Variants in PGM1 observed in about 807,000 individuals in gnomAD.
PGM1 encodes the protein phosphoglucomutase-1.
Under a neutral mutation model 55.6 loss-of-function variants are expected in PGM1, and 52 were observed. That is an observed-to-expected ratio of 0.94 (90% CI 0.75 to 1.18). The LOEUF (loss-of-function observed/expected upper bound fraction) is 1.18, where lower values mean the gene tolerates loss of function less well. Among genes scored for constraint, PGM1 ranks in the 50% most tolerant of loss-of-function variants. The pLI is 0.00. For synonymous variants in PGM1, 287 were observed against 271.7 expected (o/e 1.06, Z -0.55); for missense variants, 724 against 729.3 (o/e 0.99, Z 0.08).
At chr1:63,632,518 C>T (rs937860058) in intron 4 of PGM1, among the ~76,000 whole-genome samples, 1 of 152,166 alleles carries the variant, frequency 6.6e-6, no homozygotes, top group African/African-American at 2.4e-5. Context: ...GAAACTTCTC[C>T]CCTTGGGTCC....
intron 7 of PGM1, 126 bp downstream of exon 7, chr1:63,638,926 A>G: frequency 2.6e-6 from 2 of 769,326 alleles, no homozygotes; most frequent in South Asian, 2.8e-5. Context: ...GGCACAAATT[A>G]TTTATAACAA....
intron 1 of PGM1, among the ~76,000 whole-genome samples, chr1:63,601,640 C>T (rs1648247445): frequency 6.6e-6 from 1 of 152,224 alleles, no homozygotes; most frequent in Admixed American, 6.5e-5. Flanking sequence ...GGGAGGACTG[C>T]GGAGAAGACT....
intron 1 of PGM1, chr1:63,623,803 T>C: frequency 7.2e-7 from 1 of 1,397,394 alleles, no homozygotes; most frequent in South Asian, 1.3e-5. Context: ...GCTCTCCAAA[T>C]AACCTTAATT....
At position 63,638,771 on chromosome 1, in the gene PGM1, C is replaced by T. The variant is rs1322334231; in HGVS notation, c.1115C>T (p.Ser372Phe). Residue 372 changes from serine to phenylalanine, a missense_variant, in exon 7 of 11, where the codon TCC becomes TTC. Ser to Phe is a radical substitution (Grantham distance 155, BLOSUM62 -2). Coordinates refer to ENST00000371084, the MANE Select transcript of PGM1 (RefSeq NM_002633.3). ...FGNLMDASKL[S>F]LCGEESFGTG... ...AATTTGATGGACGCGAGCAAACTGT[C>T]CCTTTGTGGGGAGGAGAGCTTCGGG... The T allele has an allele frequency of 1.5e-5, 24 of 1,613,870 alleles. No individual in the cohort carries two copies. The highest frequency in any genetic ancestry group is 2.0e-5 in the Non-Finnish European group (24 of 1,179,880).
In PGM1 at chr1:63,609,084, C is replaced by T. The variant is rs1049368476; in HGVS notation, c.246+15350C>T. ...GGGTCTTTGTGCCTCTTACCACCCT[C>T]ACTTTTTGGCTGTCCTATCCTGCCT... is the stretch of plus-strand genomic sequence containing the variant. On this transcript the variant is annotated intron_variant, in intron 1 of 10. Transcript: ENST00000371084. Among the ~76,000 whole-genome samples the T allele has an allele frequency of 2.6e-5, 4 of 152,220 alleles. 1 individual carries two copies. The highest frequency in any genetic ancestry group is 7.2e-5 in the African/African-American group (3 of 41,458).
At chr1:63,629,382 A>T in intron 1 of PGM1, 43 bp from the exon 2 acceptor site, 1 of 1,558,766 alleles carries the variant, frequency 6.4e-7, no homozygotes, top group Non-Finnish European at 8.9e-7. Flanking sequence ...GTGACTCTGG[A>T]TGTATTGATG....
chr1:63,642,398 T>C (rs1024139095), intron 7 of PGM1, among the ~76,000 whole-genome samples: 4 of 152,174 alleles, frequency 2.6e-5, no homozygotes, highest in African/African-American at 9.7e-5. Context: ...CAGGGATAAA[T>C]GGGGACCAGA....
intron 8 of PGM1, 122 bp from the exon 9 acceptor site, chr1:63,651,547 C>A: frequency 2.2e-6 from 2 of 896,486 alleles, no homozygotes; most frequent in Non-Finnish European, 3.5e-6. Context: ...TTTTTGCCAG[C>A]TTCTTCTGAA....
intron 1 of PGM1, among the ~76,000 whole-genome samples, chr1:63,611,806 G>A (rs1260602981): frequency 6.6e-6 from 1 of 152,110 alleles, no homozygotes; most frequent in East Asian, 1.9e-4. Flanking sequence ...GGGAGGCTGA[G>A]GCAGGAGAAT....
At chr1:63,652,849 C>T (rs1439552706) in intron 9 of PGM1, among the ~76,000 whole-genome samples, 2 of 152,146 alleles carry the variant, frequency 1.3e-5, no homozygotes, top group Non-Finnish European at 2.9e-5. Context: ...GGTTTCTCAT[C>T]CTTGTGCCTG....
intron 5 of PGM1, among the ~76,000 whole-genome samples, chr1:63,635,277 ATGAC>A (rs1186392491): frequency 1.3e-5 from 2 of 152,168 alleles, no homozygotes; most frequent in African/African-American, 4.8e-5. Flanking sequence ...TTATGATAGA[ATGAC>A]TGGTATTTCC....
intron 1 of PGM1, among the ~76,000 whole-genome samples, chr1:63,628,123 A>C (rs1017234329): frequency 9.8e-5 from 15 of 152,310 alleles, no homozygotes; most frequent in Admixed American, 7.8e-4. Context: ...AAATGTGGGA[A>C]TGGATCAAAA....
chr1:63,623,464 A>C, intron 1 of PGM1: 1 of 1,611,550 alleles, frequency 6.2e-7, no homozygotes, highest in South Asian at 1.1e-5. Flanking sequence ...GTGAAGGATG[A>C]GTGATTTTGA....
intron 5 of PGM1, among the ~76,000 whole-genome samples, 192 bp from the exon 6 acceptor site, chr1:63,636,042 A>G (rs1029165124): frequency 6.6e-6 from 1 of 152,210 alleles, no homozygotes; most frequent in Non-Finnish European, 1.5e-5. Flanking sequence ...ACTTTTTGGC[A>G]TGGAGGTGCC....
intron 7 of PGM1, among the ~76,000 whole-genome samples, chr1:63,641,651 C>T (rs1649521752): frequency 6.6e-6 from 1 of 152,088 alleles, no homozygotes; most frequent in Admixed American, 6.5e-5. Flanking sequence ...GGGCCAAATC[C>T]CCTGATTATT....
At chr1:63,651,323 T>C (rs748211431) in intron 8 of PGM1, 4 of 283,854 alleles carry the variant, frequency 1.4e-5, no homozygotes, top group South Asian at 1.1e-4. Flanking sequence ...AGAGATAACA[T>C]TGCTTTTCAT....
Position 63,611,117 on chromosome 1 carries a change from C to T in PGM1, c.246+17383C>T, listed in dbSNP as rs987911058. 3.9e-5 allele frequency among the ~76,000 whole-genome samples: 6 copies of T among 152,252 alleles called. No individual in the cohort carries two copies. The East Asian group carries it at 9.7e-4, about 25-fold the overall frequency. On this transcript the variant is annotated intron_variant, in intron 1 of 10. Transcript: ENST00000371084. ...TTGGGGCATGCAGTAGTGCATAAAA[C>T]GGTCTCCGCAAGTGGGCATTGCAAT... is the stretch of plus-strand genomic sequence containing the variant.
At chr1:63,608,542 G>T (rs571543471) in intron 1 of PGM1, among the ~76,000 whole-genome samples, 1 of 152,200 alleles carries the variant, frequency 6.6e-6, no homozygotes, top group Non-Finnish European at 1.5e-5. Flanking sequence ...GTATAACTGG[G>T]TGGGGACAGG....
At chr1:63,616,767 T>A (rs901034619) in intron 1 of PGM1, among the ~76,000 whole-genome samples, 4 of 152,252 alleles carry the variant, frequency 2.6e-5, no homozygotes, top group Non-Finnish European at 5.9e-5. Context: ...CATGGGATTC[T>A]GTAGAGCTCT....
Sources: gnomAD v4.1 joint callset for allele counts (sites outside exome capture counted in the v4.1 genomes callset) on GRCh38, gnomAD v4.1.1 for gene constraint, MANE v1.5 for transcripts, NCBI Gene and HGNC (gene_info 2026-07-23, HGNC 2026-07-21) for gene names.